TNNI3K: variants seen among roughly 807,000 people sequenced by gnomAD.
TNNI3K encodes the protein TNNI3 interacting kinase, also known as serine/threonine-protein kinase TNNI3K.
A neutral mutation model predicts 114.5 loss-of-function variants in TNNI3K; 140 were observed. That is an observed-to-expected ratio of 1.22 (90% CI 1.07 to 1.41). The LOEUF (loss-of-function observed/expected upper bound fraction) is 1.41, where lower values mean the gene tolerates loss of function less well. TNNI3K is among the 40% of genes most tolerant of loss of function. The pLI, the probability that TNNI3K is intolerant of heterozygous loss-of-function variation, is 0.00. For missense variants in TNNI3K, 1,125 were observed against 1,007.6 expected (o/e 1.12, Z -1.58); for synonymous variants, 347 against 347.5 (o/e 1.00, Z 0.02).
At chr1:74,463,093 A>G (rs927095194) in intron 20 of TNNI3K, among the ~76,000 whole-genome samples, 2 of 152,196 alleles carry the variant, frequency 1.3e-5, no homozygotes, top group African/African-American at 4.8e-5. Flanking sequence ...ATGGCATTAT[A>G]CAGTCTTGTT....
At chr1:74,528,795 A>G (rs915172866) in intron 23 of TNNI3K, among the ~76,000 whole-genome samples, 7 of 152,348 alleles carry the variant, frequency 4.6e-5, no homozygotes, top group Non-Finnish European at 8.8e-5. Flanking sequence ...CTTCAACTGC[A>G]GGAACACACC....
intron 21 of TNNI3K, among the ~76,000 whole-genome samples, chr1:74,466,642 A>C (rs1358868633): frequency 6.6e-6 from 1 of 152,220 alleles, no homozygotes; most frequent in Admixed American, 6.5e-5. Context: ...TGGGTCTGCC[A>C]GTCAGTTGAG....
chr1:74,309,210 T>G (rs1412473631), intron 5 of TNNI3K, among the ~76,000 whole-genome samples: 2 of 147,348 alleles, frequency 1.4e-5, no homozygotes, highest in South Asian at 4.4e-4. Flanking sequence ...CTACTAAAAA[T>G]ACAAAAAATT....
intron 20 of TNNI3K, among the ~76,000 whole-genome samples, chr1:74,461,610 G>C (rs1205435358): frequency 6.6e-6 from 1 of 151,914 alleles, no homozygotes; most frequent in East Asian, 1.9e-4. Context: ...CAAAAAAAAT[G>C]AGTGGCTATA....
At chr1:74,502,976 G>T (rs761382584) in intron 23 of TNNI3K, among the ~76,000 whole-genome samples, 1 of 152,198 alleles carries the variant, frequency 6.6e-6, no homozygotes, top group Non-Finnish European at 1.5e-5. Flanking sequence ...CTTAACTGAA[G>T]TGACACTTGT....
chr1:74,420,623 C>T (rs2100633796), intron 17 of TNNI3K, among the ~76,000 whole-genome samples: 1 of 152,234 alleles, frequency 6.6e-6, no homozygotes, highest in South Asian at 2.1e-4. Context: ...AATTCTTTAT[C>T]ATGTCATTAA....
At chr1:74,416,559 A>C (rs1186426325) in intron 17 of TNNI3K, 3 of 985,208 alleles carry the variant, frequency 3.0e-6, no homozygotes, top group Admixed American at 1.2e-4. Flanking sequence ...ATAACTTTGC[A>C]TTCCCCTGAT....
intron 21 of TNNI3K, among the ~76,000 whole-genome samples, chr1:74,484,958 G>A (rs1049906726): frequency 6.6e-6 from 1 of 152,156 alleles, no homozygotes; most frequent in African/African-American, 2.4e-5. Flanking sequence ...ATGATGTGGT[G>A]TAGAGAAGGA....
At chr1:74,505,933 GAT>G (rs753731469) in intron 23 of TNNI3K, among the ~76,000 whole-genome samples, 12 of 152,108 alleles carry the variant, frequency 7.9e-5, no homozygotes, top group Non-Finnish European at 1.8e-4. Flanking sequence ...TTTACTAGTG[GAT>G]ATATGTTTGC....
intron 17 of TNNI3K, among the ~76,000 whole-genome samples, chr1:74,380,334 A>G (rs1444521304): frequency 6.6e-6 from 1 of 152,184 alleles, no homozygotes; most frequent in Non-Finnish European, 1.5e-5. Context: ...TCCACACTGG[A>G]ACCTGGCAAC....
At chr1:74,516,315 G>A (rs1570729511) in intron 23 of TNNI3K, among the ~76,000 whole-genome samples, 2 of 152,192 alleles carry the variant, frequency 1.3e-5, no homozygotes, top group African/African-American at 2.4e-5. Flanking sequence ...GATGGGGAAG[G>A]GATTCATAAT....
chr1:74,267,430 G>A (rs1656067192), intron 4 of TNNI3K, among the ~76,000 whole-genome samples: 1 of 151,854 alleles, frequency 6.6e-6, no homozygotes, highest in South Asian at 2.1e-4. Context: ...AAGTACAGAC[G>A]TTGGAGTCCA....
intron 23 of TNNI3K, among the ~76,000 whole-genome samples, chr1:74,507,846 A>G (rs1669983739): frequency 6.6e-6 from 1 of 152,224 alleles, no homozygotes; most frequent in African/African-American, 2.4e-5. Flanking sequence ...AAGGCTGAAA[A>G]TTGAAGCAGC....
At position 74,249,405 on chromosome 1, in the gene TNNI3K, A is replaced by G. The variant is rs1654786459; in HGVS notation, c.150-54A>G. On this transcript the variant is annotated intron_variant, in intron 2 of 24. Transcript: ENST00000326637. The stretch of plus-strand genomic sequence containing the variant: ...TTTGCATTTATAATTTTCAAATGAA[A>G]GACAATATGCTAAAAGATGAATTTT... The G allele has an allele frequency of 3.3e-6, 5 of 1,537,324 alleles. No individual in the cohort carries two copies. In the East Asian group the frequency reaches 9.2e-5, roughly 28 times the overall value.
chr1:74,383,864 T>C (rs985318548), intron 17 of TNNI3K, among the ~76,000 whole-genome samples: 3 of 152,064 alleles, frequency 2.0e-5, no homozygotes, highest in African/African-American at 7.2e-5. Context: ...CAGTTTTGAA[T>C]ACATAATGAC....
At chr1:74,269,646 T>C (rs1656223977) in intron 4 of TNNI3K, among the ~76,000 whole-genome samples, 1 of 151,810 alleles carries the variant, frequency 6.6e-6, no homozygotes, top group Non-Finnish European at 1.5e-5. Flanking sequence ...AATAAAAAAG[T>C]GCCATTCATA....
At chr1:74,527,846 A>G (rs765361502) in intron 23 of TNNI3K, among the ~76,000 whole-genome samples, 4 of 152,224 alleles carry the variant, frequency 2.6e-5, no homozygotes, top group South Asian at 2.1e-4. Context: ...ATGGAGCAGA[A>G]TGTCAGAGTC....
intron 7 of TNNI3K, among the ~76,000 whole-genome samples, chr1:74,342,271 T>G (rs562776489): frequency 6.6e-6 from 1 of 152,316 alleles, no homozygotes; most frequent in African/African-American, 2.4e-5. Context: ...CTGTCTAAAG[T>G]AAAAGAATTA....
At chr1:74,297,418 A>G (rs1658054129) in intron 5 of TNNI3K, among the ~76,000 whole-genome samples, 1 of 152,010 alleles carries the variant, frequency 6.6e-6, no homozygotes, top group Admixed American at 6.6e-5. Context: ...AAGAAGAGGT[A>G]AGAGAGAGCT....
Sources: gnomAD v4.1 joint callset for allele counts (sites outside exome capture counted in the v4.1 genomes callset) on GRCh38, gnomAD v4.1.1 for gene constraint, MANE v1.5 for transcripts, NCBI Gene and HGNC (gene_info 2026-07-23, HGNC 2026-07-21) for gene names.